PTPRN2: variants seen among roughly 807,000 people sequenced by gnomAD.
PTPRN2 encodes receptor-type tyrosine-protein phosphatase N2.
Under a neutral mutation model 118.8 loss-of-function variants are expected in PTPRN2, and 74 were observed. That is an observed-to-expected ratio of 0.62 (90% CI 0.52 to 0.76). The LOEUF is 0.76. Among genes scored for constraint, PTPRN2 ranks in the 30% least tolerant of loss-of-function variants. The pLI is 0.00. For synonymous variants in PTPRN2, 641 were observed against 608.0 expected, an observed-to-expected ratio of 1.05 and a Z score of -0.80; for missense variants, 1,481 against 1,394.4, an observed-to-expected ratio of 1.06 and a Z score of -0.99.
chr7:157,880,160 T>C (rs1450769381), intron 12 of PTPRN2, among the ~76,000 whole-genome samples: 2 of 152,222 alleles, frequency 1.3e-5, no homozygotes, highest in Non-Finnish European at 2.9e-5. Flanking sequence ...TTGAACATTG[T>C]ATATTAGCAG....
chr7:158,530,435 C>A (rs116291814), intron 1 of PTPRN2, among the ~76,000 whole-genome samples: 1 of 152,200 alleles, frequency 6.6e-6, no homozygotes, highest in East Asian at 1.9e-4. Context: ...GGACATCCCA[C>A]GCCGGCCTCC....
rs546750153 is a variant in PTPRN2 at position 157,662,409 on chromosome 7, G to T, written c.2002-5858C>A. 3.9e-5 allele frequency among the ~76,000 whole-genome samples: 6 copies of T among 152,328 alleles called. No homozygotes were observed. The East Asian group carries it at 1.2e-3, about 29-fold the overall frequency. On this transcript the variant is annotated intron_variant, in intron 13 of 22. Coordinates refer to ENST00000389418, the MANE Select transcript of PTPRN2 (RefSeq NM_002847.5). ...AGCCAGGCTGGGTCAGACTCGCCGG[G>T]CCCTGACCCCCGAGCACTCCCACGC...
At chr7:158,431,939 A>G (rs1163324437) in intron 2 of PTPRN2, among the ~76,000 whole-genome samples, 1 of 152,242 alleles carries the variant, frequency 6.6e-6, no homozygotes, top group Non-Finnish European at 1.5e-5. Context: ...CTGGACACCA[A>G]CACCAGCCCT....
intron 2 of PTPRN2, among the ~76,000 whole-genome samples, chr7:158,350,946 A>C (rs1807879475): frequency 6.6e-6 from 1 of 152,202 alleles, no homozygotes; most frequent in Non-Finnish European, 1.5e-5. Context: ...AGCGTTTCCA[A>C]ATCCCACCCG....
rs111499142 is a variant in PTPRN2 at position 158,451,081 on chromosome 7, C to T, written c.163+38654G>A. 2.5e-3 allele frequency among the ~76,000 whole-genome samples: 383 copies of T among 152,360 alleles called. 3 individuals carry two copies. The highest frequency in any genetic ancestry group is 8.9e-3 in the African/African-American group (372 of 41,586). On this transcript the variant is annotated intron_variant, in intron 2 of 22. Transcript: ENST00000389418. ...CTGAATTTCATACGGCTTCCGTCTTCATCACTCCAATTTAATAATTAGGTT... is the reference window on the plus strand; with the variant it reads ...CTGAATTTCATACGGCTTCCGTCTTTATCACTCCAATTTAATAATTAGGTT...
intron 11 of PTPRN2, among the ~76,000 whole-genome samples, chr7:157,961,879 AC>A (rs1411795114): frequency 5.9e-5 from 9 of 152,134 alleles, no homozygotes; most frequent in Non-Finnish European, 2.9e-5. Context: ...TTCCTGAGTC[AC>A]AGTGAGCCCA....
intron 12 of PTPRN2, among the ~76,000 whole-genome samples, chr7:157,790,852 T>C (rs528019055): frequency 1.3e-5 from 2 of 152,264 alleles, no homozygotes; most frequent in South Asian, 4.2e-4. Context: ...TTTTCTCTGC[T>C]CGGGTGAAGC....
intron 2 of PTPRN2, among the ~76,000 whole-genome samples, chr7:158,451,028 G>A (rs547505117): frequency 3.9e-5 from 6 of 152,190 alleles, no homozygotes; most frequent in Non-Finnish European, 7.4e-5. Context: ...TGGTGCTTCC[G>A]GTTTTTGCCC....
At chr7:158,188,210 C>A in intron 5 of PTPRN2, among the ~76,000 whole-genome samples, 2 of 76,166 alleles carry the variant, frequency 2.6e-5, no homozygotes, top group Non-Finnish European at 6.3e-5. Context: ...GCCACGCTCG[C>A]CGCCTGATGG....
At chr7:157,846,980 A>C (rs1354065122) in intron 12 of PTPRN2, among the ~76,000 whole-genome samples, 2 of 145,830 alleles carry the variant, frequency 1.4e-5, no homozygotes, top group African/African-American at 5.2e-5. Context: ...GCCCTCTCTC[A>C]CTCCTTCATG....
At chr7:158,191,966 A>G (rs190616245) in intron 5 of PTPRN2, among the ~76,000 whole-genome samples, 92 of 152,254 alleles carry the variant, frequency 6.0e-4, no homozygotes, top group African/African-American at 2.1e-3. Flanking sequence ...GTCAGGTTTC[A>G]GTGTCCACTG....
At chr7:158,270,832 A>C (rs1181518513) in intron 3 of PTPRN2, among the ~76,000 whole-genome samples, 1 of 5,170 alleles carries the variant, frequency 1.9e-4, no homozygotes, top group Non-Finnish European at 3.6e-4. Flanking sequence ...CTCCACCTGG[A>C]TGACCCCCTC....
intron 2 of PTPRN2, among the ~76,000 whole-genome samples, chr7:158,484,980 G>A (rs139143754): frequency 3.3e-5 from 5 of 152,262 alleles, no homozygotes; most frequent in Admixed American, 6.5e-5. Context: ...AGTGAGCCAC[G>A]AGCGCAAGGG....
intron 1 of PTPRN2, among the ~76,000 whole-genome samples, chr7:158,533,237 A>G (rs989488631): frequency 1.3e-5 from 2 of 152,206 alleles, no homozygotes; most frequent in African/African-American, 2.4e-5. Flanking sequence ...CATCTTCCTC[A>G]GTGCACCCTC....
chr7:157,553,137 G>A (rs1798716475), intron 21 of PTPRN2, among the ~76,000 whole-genome samples: 1 of 152,192 alleles, frequency 6.6e-6, no homozygotes, highest in Non-Finnish European at 1.5e-5. Flanking sequence ...AAGAGACGGG[G>A]AGCTCTCAGC....
At chr7:158,072,642 C>T (rs572341121) in intron 11 of PTPRN2, among the ~76,000 whole-genome samples, 105 of 152,292 alleles carry the variant, frequency 6.9e-4, no homozygotes, top group African/African-American at 2.4e-3. Context: ...GCTGCTTCTC[C>T]GGAGTCCTGG....
chr7:157,933,010 A>AG (rs1171630195), intron 11 of PTPRN2, among the ~76,000 whole-genome samples: 2 of 139,818 alleles, frequency 1.4e-5, no homozygotes, highest in African/African-American at 5.4e-5. Context: ...GTTTTAGAGG[A>AG]GGGGTGAGTC....
At chr7:158,241,797 A>C (rs1298692420) in intron 3 of PTPRN2, among the ~76,000 whole-genome samples, 1 of 152,156 alleles carries the variant, frequency 6.6e-6, no homozygotes, top group African/African-American at 2.4e-5. Context: ...CCAAATGATC[A>C]CTGAGTAAGA....
Position 158,150,281 on chromosome 7 carries a change from C to G in PTPRN2, c.911-11766G>C, listed in dbSNP as rs553751520. Among the ~76,000 whole-genome samples the G allele has an allele frequency of 2.0e-5, 3 of 152,360 alleles. No individual in the cohort carries two copies. In the East Asian group the frequency reaches 5.8e-4, roughly 29 times the overall value. ...GATTTTTAAACAAGTTGAATCCAGG[C>G]TGTTTCTGCTAAAGGCTAACGTAAC... On this transcript the variant is annotated intron_variant, in intron 6 of 22. Coordinates refer to ENST00000389418, the MANE Select transcript of PTPRN2 (RefSeq NM_002847.5).
Sources: allele counts gnomAD v4.1 joint callset (sites outside exome capture counted in the v4.1 genomes callset), GRCh38; gene constraint gnomAD v4.1.1; transcripts MANE v1.5; gene names NCBI Gene and HGNC (gene_info 2026-07-23, HGNC 2026-07-21).